TRMT9B: variants seen among roughly 807,000 people sequenced by gnomAD.
TRMT9B encodes the protein tRNA methyltransferase 9B (putative), also known as probable tRNA methyltransferase 9B.
In TRMT9B, 16 loss-of-function variants were observed where a neutral mutation model predicts 11.5. The ratio of observed to expected loss-of-function variants is 1.39; its 90% CI spans 0.94 to 2.11. The LOEUF is 2.11. Among genes scored for constraint, TRMT9B ranks in the 30% most tolerant of loss-of-function variants. The pLI is 0.00. For synonymous variants in TRMT9B, 274 were observed against 192.4 expected, an observed-to-expected ratio of 1.42 and a Z score of -3.51; for missense variants, 941 against 553.8, an observed-to-expected ratio of 1.70 and a Z score of -7.02.
chr8:13,021,438 C>A lies in TRMT9B; in HGVS notation c.759C>A (p.Ser253=), dbSNP rs752457089. Residue 253 remains serine (S), a synonymous_variant, in exon 5 of 5, where the codon TCC becomes TCA. Coordinates refer to ENST00000524591, the MANE Select transcript of TRMT9B (RefSeq NM_020844.3). ...AATCGTTTCGTTCCTGGTTTTTCTC[C>A]AGATCTTTGGATGAATCGACTCTGA... ...LGKSFRSWFF[S]RSLDESTLRK... 6.2e-7 allele frequency: 1 copy of A among 1,613,988 alleles called. No individual in the cohort carries two copies. The highest frequency in any genetic ancestry group is 8.5e-7 in the Non-Finnish European group (1 of 1,179,894).
intron 1 of TRMT9B, among the ~76,000 whole-genome samples, chr8:12,949,950 T>A (rs1800464367): frequency 1.3e-5 from 2 of 152,180 alleles, no homozygotes; most frequent in Admixed American, 1.3e-4. Flanking sequence ...GCTTCTGGGC[T>A]CAAGTGACCC....
chr8:13,020,286 C>G (rs1172807609), intron 4 of TRMT9B, among the ~76,000 whole-genome samples: 1 of 152,142 alleles, frequency 6.6e-6, no homozygotes, highest in Non-Finnish European at 1.5e-5. Flanking sequence ...ATTATACTCC[C>G]TCAAAAACTA....
intron 4 of TRMT9B, among the ~76,000 whole-genome samples, chr8:13,018,553 A>G (rs989837799): frequency 5.3e-5 from 8 of 152,108 alleles, no homozygotes; most frequent in Non-Finnish European, 1.0e-4. Context: ...AAAATAGTCA[A>G]TTATCATTAT....
rs1006051773 is a variant in TRMT9B, at chr8:13,022,543, A to C, written c.*499A>C. 15 of 167,344 alleles carry C rather than the reference A, an allele frequency of 9.0e-5. 1 individual carries two copies. The highest frequency in any genetic ancestry group is 7.8e-4 in the Admixed American group (12 of 15,300). 10.4% of individuals were successfully genotyped at this position (167,344 alleles called of 1,614,324 possible). On this transcript the variant is annotated 3_prime_UTR_variant, in exon 5 of 5. Coordinates refer to ENST00000524591, the MANE Select transcript of TRMT9B (RefSeq NM_020844.3). ...CCATGTGATGAGTTATCTTGTTGCCAAGGCCTTGCTTCTACTTAAAGTTTT... is the reference window on the plus strand; with the variant it reads ...CCATGTGATGAGTTATCTTGTTGCCCAGGCCTTGCTTCTACTTAAAGTTTT...
chr8:13,021,055 G>T lies in TRMT9B; in HGVS notation c.376G>T (p.Glu126Ter), dbSNP rs767656604. 6.3e-7 allele frequency: 1 copy of T among 1,584,224 alleles called. No individual in the cohort carries two copies. Reference sequence around the variant, plus strand: ...ACAAAGAAGAATCAGAGCAATAAAAGAAATGGCCAGGGTCTTAGTTCCCGG... The same window carrying T: ...ACAAAGAAGAATCAGAGCAATAAAATAAATGGCCAGGGTCTTAGTTCCCGG... ...TKQRRIRAIK[E>*]MARVLVPGGQ... The change falls in exon 5 of 5, where the codon GAA becomes TAA. Residue 126 changes from glutamate to a stop codon, truncating the protein, a stop_gained. Transcript: ENST00000524591. LOFTEE classifies it low-confidence loss of function (END_TRUNC).
At chr8:12,974,148 G>T (rs1804061241) in intron 1 of TRMT9B, among the ~76,000 whole-genome samples, 1 of 151,930 alleles carries the variant, frequency 6.6e-6, no homozygotes, top group Non-Finnish European at 1.5e-5. Context: ...TCCAGCCTGG[G>T]TGACAAGCAA....
At chr8:12,953,786 C>G (rs187789735) in intron 1 of TRMT9B, among the ~76,000 whole-genome samples, 67 of 152,262 alleles carry the variant, frequency 4.4e-4, no homozygotes, top group African/African-American at 1.5e-3. Context: ...GTGGAAGTGG[C>G]TCTCAGATGG....
At chr8:12,988,800 A>ATT (rs1229655614) in intron 1 of TRMT9B, among the ~76,000 whole-genome samples, 1 of 152,140 alleles carries the variant, frequency 6.6e-6, no homozygotes, top group African/African-American at 2.4e-5. Flanking sequence ...CAATTCTATT[A>ATT]TTTTTTAGAT....
At chr8:13,018,765 T>A (rs1813278771) in intron 4 of TRMT9B, among the ~76,000 whole-genome samples, 1 of 152,338 alleles carries the variant, frequency 6.6e-6, no homozygotes, top group Middle Eastern at 3.4e-3. Context: ...CCAACAGCAC[T>A]GCAACTCATG....
intron 2 of TRMT9B, among the ~76,000 whole-genome samples, chr8:12,992,528 TG>T (rs1203367426): frequency 1.3e-5 from 2 of 151,644 alleles, no homozygotes; most frequent in Non-Finnish European, 2.9e-5. Context: ...CAAACTTAGA[TG>T]GTCATGAAGC....
chr8:12,978,349 C>G (rs1297048325), intron 1 of TRMT9B, among the ~76,000 whole-genome samples: 2 of 152,190 alleles, frequency 1.3e-5, no homozygotes, highest in African/African-American at 4.8e-5. Flanking sequence ...GTCAGCTCCT[C>G]TTCTGCTGAT....
rs756383939 is a variant in TRMT9B, at chr8:13,021,613, T to A, written c.934T>A (p.Phe312Ile). The change falls in exon 5 of 5, where the codon TTT becomes ATT. Residue 312 changes from phenylalanine to isoleucine, a missense_variant. By Grantham distance (21) the Phe-to-Ile change is conservative. Coordinates refer to ENST00000524591, the MANE Select transcript of TRMT9B (RefSeq NM_020844.3). The stretch of plus-strand genomic sequence containing the variant: ...AGGGCAAAGTTTAGATGAGGAAGTG[T>A]TTGTGGAATCTTCTTCTGGAAAACA... ...TKGQSLDEEV[F>I]VESSSGKHLE... 1 of 1,613,748 alleles carries A rather than the reference T, an allele frequency of 6.2e-7. No individual in the cohort carries two copies. The highest frequency in any genetic ancestry group is 1.1e-5 in the South Asian group (1 of 91,060).
intron 1 of TRMT9B, among the ~76,000 whole-genome samples, chr8:12,984,528 C>T (rs2128874899): frequency 6.6e-6 from 1 of 152,292 alleles, no homozygotes; most frequent in Non-Finnish European, 1.5e-5. Context: ...CTCCATCCTG[C>T]CTAAACCTTC....
chr8:12,956,232 C>T (rs1464096730), intron 1 of TRMT9B, among the ~76,000 whole-genome samples: 1 of 152,170 alleles, frequency 6.6e-6, no homozygotes, highest in Non-Finnish European at 1.5e-5. Flanking sequence ...GACAATCCAT[C>T]ATGCCTAACA....
At chr8:13,013,246 C>A (rs1037182021) in intron 4 of TRMT9B, among the ~76,000 whole-genome samples, 1 of 152,158 alleles carries the variant, frequency 6.6e-6, no homozygotes, top group Non-Finnish European at 1.5e-5. Flanking sequence ...AAATAGTGGC[C>A]TTTGTTAACA....
intron 1 of TRMT9B, among the ~76,000 whole-genome samples, chr8:12,948,877 G>A (rs968334761): frequency 2.0e-5 from 3 of 152,088 alleles, no homozygotes; most frequent in East Asian, 1.9e-4. Context: ...GGAGAATGGC[G>A]TGAACCTGGG....
chr8:12,951,733 G>A (rs926284621), intron 1 of TRMT9B: 12 of 152,106 alleles, frequency 7.9e-5, no homozygotes, highest in African/African-American at 2.9e-4. Context: ...CGGGGGCGGG[G>A]GCCGCGGGCG....
Position 12,983,817 on chromosome 8 carries a change from C to G in TRMT9B, c.-199-7017C>G, listed in dbSNP as rs933617518. ...CAGTAGCCTTTTAATCAAAACATAG[C>G]ATTGCAGATGGAGACAGAAAGCGTG... On this transcript the variant is annotated intron_variant, in intron 1 of 4. Transcript: ENST00000524591. Among the ~76,000 whole-genome samples the G allele has an allele frequency of 2.6e-5, 4 of 152,138 alleles. No individual in the cohort carries two copies. The East Asian group carries it at 7.7e-4, about 29-fold the overall frequency.
At chr8:12,960,805 G>A (rs931924231) in intron 1 of TRMT9B, among the ~76,000 whole-genome samples, 3 of 152,264 alleles carry the variant, frequency 2.0e-5, no homozygotes, top group East Asian at 3.9e-4. Context: ...TGGGTCGAGT[G>A]TGGGGGTAAG....
Sources: gnomAD v4.1 joint callset for allele counts (sites outside exome capture counted in the v4.1 genomes callset) on GRCh38, gnomAD v4.1.1 for gene constraint, MANE v1.5 for transcripts, NCBI Gene and HGNC (gene_info 2026-07-23, HGNC 2026-07-21) for gene names.